Variants in STX19 observed in about 807,000 individuals in gnomAD.
The protein encoded by STX19 is syntaxin-19.
Under a neutral mutation model 24.3 loss-of-function variants are expected in STX19, and 26 were observed. That is an observed-to-expected ratio of 1.07 (90% CI 0.78 to 1.48). STX19 has a LOEUF of 1.48. Among genes scored for constraint, STX19 ranks in the 40% most tolerant of loss-of-function variants. The pLI is 0.00. For synonymous variants in STX19, 116 were observed against 106.9 expected (o/e 1.09, Z -0.52); for missense variants, 367 against 331.9 (o/e 1.11, Z -0.82).
At chr3:94,027,804 T>C (rs2076588763) in intron 1 of STX19, among the ~76,000 whole-genome samples, 1 of 152,124 alleles carries the variant, frequency 6.6e-6, no homozygotes, top group Admixed American at 6.5e-5. Context: ...AGTTGAAATA[T>C]TATAAAGGTT....
intron 1 of STX19, among the ~76,000 whole-genome samples, chr3:94,022,781 C>T (rs571356564): frequency 3.3e-5 from 5 of 151,994 alleles, no homozygotes; most frequent in African/African-American, 1.2e-4. Flanking sequence ...TGATTTTTCA[C>T]AAAGTAAATA....
At chr3:94,019,866 A>G (rs1303028304) in intron 1 of STX19, among the ~76,000 whole-genome samples, 1 of 152,028 alleles carries the variant, frequency 6.6e-6, no homozygotes, top group East Asian at 1.9e-4. Context: ...CTTCTCTTCT[A>G]TTTGAAGTGT....
chr3:94,021,380 A>G (rs1327212653), intron 1 of STX19, among the ~76,000 whole-genome samples: 1 of 151,930 alleles, frequency 6.6e-6, no homozygotes, highest in South Asian at 2.1e-4. Flanking sequence ...TTTCTGGTAG[A>G]GACAAGGTTT....
chr3:94,021,942 T>C (rs550466760), intron 1 of STX19, among the ~76,000 whole-genome samples: 114 of 152,260 alleles, frequency 7.5e-4, no homozygotes, highest in African/African-American at 2.7e-3. Context: ...TCAAGTCATG[T>C]CAAGGCTTCT....
intron 1 of STX19, among the ~76,000 whole-genome samples, chr3:94,027,745 A>C (rs985363939): frequency 2.0e-5 from 3 of 152,030 alleles, no homozygotes; most frequent in Non-Finnish European, 4.4e-5. Context: ...ACTATCAATT[A>C]AATGCTAACA....
In STX19 at chr3:94,014,402, A is replaced by T; in HGVS notation, c.868T>A (p.Cys290Ser). The T allele has an allele frequency of 2.6e-6, 4 of 1,543,986 alleles. No individual in the cohort carries two copies. Among genetic ancestry groups the T allele is most frequent in the Non-Finnish European group, 3.5e-6 (4 of 1,154,132 alleles). ...CRVLCCWCCP[C>S]CSSK ...TAGCTTCTTTATTTTGAGCTACAGC[A>T]TGGACAGCACCAACAACACAGTACT... Residue 290 changes from cysteine (C) to serine (S), a missense_variant, in exon 2 of 2, where the codon TGC (cysteine) becomes AGC (serine). Cys to Ser is a moderately radical substitution (Grantham distance 112). Transcript: ENST00000315099.
chr3:94,023,611 A>G (rs528151447), intron 1 of STX19, among the ~76,000 whole-genome samples: 28 of 152,284 alleles, frequency 1.8e-4, no homozygotes, highest in Non-Finnish European at 2.6e-4. Flanking sequence ...GCAACGTCCA[A>G]ATAAGGGGAA....
rs754442827 is a variant in STX19 at position 94,015,203 on chromosome 3, C to T, written c.67G>A (p.Val23Ile). ...KEIELSRDSH[V>I]STTETEEQGV... ...TGTTCCTCTGTTTCTGTAGTTGATA[C>T]ATGACTGTCTCTAGAGAGTTCAATT... The change falls in exon 2 of 2, where the codon GTA becomes ATA. Residue 23 changes from valine to isoleucine, a missense_variant. Physicochemically the swap from Val to Ile is conservative, Grantham distance 29. Transcript: ENST00000315099. 3.1e-6 allele frequency: 5 copies of T among 1,612,388 alleles called. No individual in the cohort carries two copies. In the South Asian group the frequency reaches 4.4e-5, roughly 14 times the overall value.
At chr3:94,017,871 A>G (rs1311894709) in intron 1 of STX19, among the ~76,000 whole-genome samples, 3 of 152,178 alleles carry the variant, frequency 2.0e-5, no homozygotes, top group Non-Finnish European at 2.9e-5. Flanking sequence ...AACAAAGTGA[A>G]TGTAGATAGA....
chr3:94,019,525 A>G lies in STX19; in HGVS notation c.-13-4243T>C, dbSNP rs182630013. Among the ~76,000 whole-genome samples, 10 of 152,210 alleles carry G rather than the reference A, an allele frequency of 6.6e-5. No individual in the cohort carries two copies. In the East Asian group the frequency reaches 1.7e-3, roughly 26 times the overall value. On this transcript the variant is annotated intron_variant, in intron 1 of 1. Transcript: ENST00000315099. The stretch of plus-strand genomic sequence containing the variant: ...CCTGTTATTTTTCATCTTGATTGTT[A>G]ACGATAGTCTCCTAAGTGTTCTCCT...
chr3:94,027,023 A>G (rs1211387621), intron 1 of STX19, among the ~76,000 whole-genome samples: 1 of 152,162 alleles, frequency 6.6e-6, no homozygotes, highest in African/African-American at 2.4e-5. Context: ...ATTACCTTGT[A>G]CTTTTAGAAA....
At position 94,020,820 on chromosome 3, in the gene STX19, CG is replaced by C. The variant is rs1218648060; in HGVS notation, c.-13-5539del. The stretch of plus-strand genomic sequence containing the variant: ...ATTTTAAATACTTAATTCAAATAGC[CG>C]GTAATCTTTTGTTTTTGCCACTGAT... On this transcript the variant is annotated intron_variant, in intron 1 of 1. Transcript: ENST00000315099. Among the ~76,000 whole-genome samples, 6 of 152,086 alleles carry C rather than the reference CG, an allele frequency of 3.9e-5. No individual in the cohort carries two copies. The East Asian group carries it at 1.2e-3, about 29-fold the overall frequency.
At chr3:94,015,313 G>A in intron 1 of STX19, 31 bp from the exon 2 acceptor site, 1 of 1,478,684 alleles carries the variant, frequency 6.8e-7, no homozygotes, top group African/African-American at 1.4e-5. Flanking sequence ...TGTTGAACAA[G>A]TAGAAATTTG....
At chr3:94,025,377 T>C (rs1277931914) in intron 1 of STX19, among the ~76,000 whole-genome samples, 3 of 152,202 alleles carry the variant, frequency 2.0e-5, no homozygotes, top group Admixed American at 1.3e-4. Context: ...TAAACGATGT[T>C]TAAAGTGAGC....
chr3:94,016,086 A>G (rs1289162504), intron 1 of STX19, among the ~76,000 whole-genome samples: 1 of 152,186 alleles, frequency 6.6e-6, no homozygotes, highest in East Asian at 1.9e-4. Flanking sequence ...TAAGAATCAA[A>G]TTGATGTACA....
rs762264967 is a variant in STX19, at chr3:94,014,564, T to C, written c.706A>G (p.Ile236Val). ...CCTTGTTCCTCTACTAAAAGAGATATCTGAATGAAAAGATCCCTTAAATCC... is the reference window on the plus strand; with the variant it reads ...CCTTGTTCCTCTACTAAAAGAGATACCTGAATGAAAAGATCCCTTAAATCC... ...IKDLRDLFIQ[I>V]SLLVEEQGES... Residue 236 changes from isoleucine to valine, a missense_variant, in exon 2 of 2, where the codon ATA becomes GTA. Physicochemically the swap from Ile to Val is conservative, Grantham distance 29. Coordinates refer to ENST00000315099, the MANE Select transcript of STX19 (RefSeq NM_001001850.3). 2.5e-6 allele frequency: 4 copies of C among 1,612,490 alleles called. No individual in the cohort carries two copies. The highest frequency in any genetic ancestry group is 3.4e-6 in the Non-Finnish European group (4 of 1,179,664).
At chr3:94,020,622 G>T (rs573851747) in intron 1 of STX19, among the ~76,000 whole-genome samples, 113 of 152,270 alleles carry the variant, frequency 7.4e-4, no homozygotes, top group African/African-American at 2.7e-3. Flanking sequence ...AAATCTGTTT[G>T]TGTCAGGAAA....
At chr3:94,017,247 C>G (rs1375465917) in intron 1 of STX19, among the ~76,000 whole-genome samples, 1 of 152,076 alleles carries the variant, frequency 6.6e-6, no homozygotes, top group South Asian at 2.1e-4. Flanking sequence ...GTCTTCTAAA[C>G]AAAGGTCTGT....
chr3:94,014,611 A>T lies in STX19; in HGVS notation c.659T>A (p.Val220Asp), dbSNP rs1201533848. The change falls in exon 2 of 2, where the codon GTT becomes GAT. Residue 220 changes from valine (V) to aspartate (D), a missense_variant. Coordinates refer to ENST00000315099, the MANE Select transcript of STX19 (RefSeq NM_001001850.3). ...ATCCTTTATTTGGTTCTCCAAATTAACAAGTTCCTTGTGTCTCTGTTCAAT... is the reference window on the plus strand; with the variant it reads ...ATCCTTTATTTGGTTCTCCAAATTATCAAGTTCCTTGTGTCTCTGTTCAAT... Reference protein sequence around the residue: ...SEIEQRHKELVNLENQIKDLR... With the variant: ...SEIEQRHKELDNLENQIKDLR... 1.9e-6 allele frequency: 3 copies of T among 1,613,202 alleles called. No individual in the cohort carries two copies. Among genetic ancestry groups the T allele is most frequent in the Non-Finnish European group, 2.5e-6 (3 of 1,179,884 alleles).
Sources: allele counts gnomAD v4.1 joint callset (sites outside exome capture counted in the v4.1 genomes callset), GRCh38; gene constraint gnomAD v4.1.1; transcripts MANE v1.5; gene names NCBI Gene and HGNC (gene_info 2026-07-23, HGNC 2026-07-21).